Variants in TAFA2 observed in about 807,000 individuals in gnomAD.
TAFA2 encodes TAFA chemokine like family member 2, also known as chemokine-like protein TAFA-2.
In TAFA2, 7 loss-of-function variants were observed where a neutral mutation model predicts 18.8. The ratio of observed to expected loss-of-function variants is 0.37; its 90% CI spans 0.21 to 0.70. The LOEUF (loss-of-function observed/expected upper bound fraction) is 0.70, where lower values mean the gene tolerates loss of function less well. Among genes scored for constraint, TAFA2 ranks in the 30% least tolerant of loss-of-function variants. The probability of loss-of-function intolerance (pLI) is 0.53; values close to 1 mark genes in which losing one functional copy is unlikely to be tolerated. For missense variants in TAFA2, 122 were observed against 158.1 expected, an observed-to-expected ratio of 0.77 and a Z score of 1.23; for synonymous variants, 60 against 54.2, an observed-to-expected ratio of 1.11 and a Z score of -0.47.
chr12:61,710,389 A>G lies in TAFA2; in HGVS notation c.*17T>C, dbSNP rs1475922374. On this transcript the variant is annotated 3_prime_UTR_variant, in exon 5 of 5. Coordinates refer to ENST00000416284, the MANE Select transcript of TAFA2 (RefSeq NM_178539.5). ...TTCAATGTCATCAGCCTTGAGGATCACTTGATTTCTCCTGGGTTAATGGGT... is the reference window on the plus strand; with the variant it reads ...TTCAATGTCATCAGCCTTGAGGATCGCTTGATTTCTCCTGGGTTAATGGGT... 6.2e-6 allele frequency: 10 copies of G among 1,608,308 alleles called. No individual in the cohort carries two copies. The highest frequency in any genetic ancestry group is 8.5e-6 in the Non-Finnish European group (10 of 1,175,064).
intron 1 of TAFA2, among the ~76,000 whole-genome samples, chr12:62,117,893 C>T (rs187396697): frequency 8.5e-4 from 129 of 152,206 alleles, no homozygotes; most frequent in African/African-American, 2.9e-3. Context: ...CCTCTTTGTA[C>T]TTCAGGTGCA....
intron 1 of TAFA2, among the ~76,000 whole-genome samples, chr12:62,084,581 A>T (rs1435764446): frequency 1.3e-5 from 2 of 152,088 alleles, no homozygotes; most frequent in Non-Finnish European, 2.9e-5. Context: ...GTCAAAAGCA[A>T]ATTTCCTCCA....
At chr12:61,789,473 T>C (rs1295223638) in intron 2 of TAFA2, among the ~76,000 whole-genome samples, 1 of 151,698 alleles carries the variant, frequency 6.6e-6, no homozygotes, top group Non-Finnish European at 1.5e-5. Flanking sequence ...TTCTCTCTCA[T>C]AAGTGGGAGC....
At chr12:62,043,531 T>C (rs962543061) in intron 1 of TAFA2, among the ~76,000 whole-genome samples, 2 of 151,996 alleles carry the variant, frequency 1.3e-5, no homozygotes, top group East Asian at 1.9e-4. Flanking sequence ...AGTTAATGGG[T>C]GCAGCACACC....
At chr12:62,234,196 A>G (rs2062825094) in intron 1 of TAFA2, among the ~76,000 whole-genome samples, 1 of 152,150 alleles carries the variant, frequency 6.6e-6, no homozygotes, top group Admixed American at 6.5e-5. Flanking sequence ...CTCCTTGAGA[A>G]GTCTTTCTTC....
intron 2 of TAFA2, among the ~76,000 whole-genome samples, chr12:61,762,453 A>G (rs1869595837): frequency 6.6e-6 from 1 of 152,050 alleles, no homozygotes; most frequent in East Asian, 1.9e-4. Flanking sequence ...TATGAAGACC[A>G]AATGAGATAA....
rs778266416 is a variant in TAFA2 at position 61,852,806 on chromosome 12, C to A, written c.106+14514G>T. Among the ~76,000 whole-genome samples the A allele has an allele frequency of 4.6e-5, 7 of 152,060 alleles. 1 individual carries two copies. The highest frequency in any genetic ancestry group is 1.4e-4 in the African/African-American group (6 of 41,474). On this transcript the variant is annotated intron_variant, in intron 2 of 4. Coordinates refer to ENST00000416284, the MANE Select transcript of TAFA2 (RefSeq NM_178539.5). ...CGATGAGAAAAATAGGAAGAAAAAT[C>A]AAAATGAAGGCTTGTAGAAAGATAT...
intron 1 of TAFA2, among the ~76,000 whole-genome samples, chr12:62,100,026 A>G (rs1869121599): frequency 6.6e-6 from 1 of 152,122 alleles, no homozygotes; most frequent in African/African-American, 2.4e-5. Flanking sequence ...ATAATTATCA[A>G]TATGAATTTT....
At chr12:62,035,110 A>G (rs1881562952) in intron 1 of TAFA2, among the ~76,000 whole-genome samples, 1 of 152,172 alleles carries the variant, frequency 6.6e-6, no homozygotes, top group Non-Finnish European at 1.5e-5. Context: ...TAAAGGAGGG[A>G]GGTCACCCCT....
intron 1 of TAFA2, among the ~76,000 whole-genome samples, chr12:62,235,749 T>G (rs749485592): frequency 3.9e-5 from 6 of 152,154 alleles, no homozygotes; most frequent in Non-Finnish European, 7.4e-5. Context: ...GAGGAAGGTT[T>G]GCTTGTTTGT....
intron 1 of TAFA2, among the ~76,000 whole-genome samples, chr12:62,138,210 G>C (rs1191211010): frequency 6.6e-6 from 1 of 152,054 alleles, no homozygotes; most frequent in Non-Finnish European, 1.5e-5. Context: ...TTTGAGCCCA[G>C]GAGTTCAAAG....
At chr12:62,020,179 T>C (rs1051561346) in intron 1 of TAFA2, among the ~76,000 whole-genome samples, 31 of 152,312 alleles carry the variant, frequency 2.0e-4, no homozygotes, top group Non-Finnish European at 3.1e-4. Flanking sequence ...ATACTGGTAC[T>C]AGGCACATAA....
At chr12:61,909,570 T>C (rs1876513148) in intron 1 of TAFA2, among the ~76,000 whole-genome samples, 1 of 152,148 alleles carries the variant, frequency 6.6e-6, no homozygotes, top group Non-Finnish European at 1.5e-5. Flanking sequence ...AGTCGTGAGA[T>C]GTGCTAGGAG....
chr12:61,872,537 C>A lies in TAFA2; in HGVS notation c.-1-5111G>T, dbSNP rs138030263. Among the ~76,000 whole-genome samples, 28 of 152,212 alleles carry A rather than the reference C, an allele frequency of 1.8e-4. No homozygotes were observed. The East Asian group carries it at 3.1e-3, about 17-fold the overall frequency. ...ATTGCCCCACTGGCCTTATACCTTGCTTAAAATCCCGGAATTTACCTATTC... is the reference window on the plus strand; with the variant it reads ...ATTGCCCCACTGGCCTTATACCTTGATTAAAATCCCGGAATTTACCTATTC... On this transcript the variant is annotated intron_variant, in intron 1 of 4. Transcript: ENST00000416284.
At chr12:62,041,896 T>C (rs938878799) in intron 1 of TAFA2, among the ~76,000 whole-genome samples, 1 of 152,114 alleles carries the variant, frequency 6.6e-6, no homozygotes, top group Admixed American at 6.5e-5. Context: ...AGATGTAAAT[T>C]CTGAAAGAAG....
intron 1 of TAFA2, among the ~76,000 whole-genome samples, chr12:61,919,645 A>T (rs981799482): frequency 6.6e-6 from 1 of 151,706 alleles, no homozygotes; most frequent in Non-Finnish European, 1.5e-5. Context: ...ATTTTATTGT[A>T]CTGTATATCT....
chr12:62,136,709 GT>G (rs1415453769), intron 1 of TAFA2, among the ~76,000 whole-genome samples: 13 of 152,090 alleles, frequency 8.5e-5, no homozygotes, highest in African/African-American at 3.1e-4. Flanking sequence ...TAACCACAAA[GT>G]GTTGTGTGGT....
intron 1 of TAFA2, among the ~76,000 whole-genome samples, chr12:61,868,578 C>T (rs1353171110): frequency 6.6e-6 from 1 of 151,948 alleles, no homozygotes; most frequent in Non-Finnish European, 1.5e-5. Context: ...CTTTTTTGTA[C>T]ATTTTTACCT....
intron 2 of TAFA2, among the ~76,000 whole-genome samples, chr12:61,765,292 A>C (rs1357574737): frequency 6.6e-6 from 1 of 152,068 alleles, no homozygotes; most frequent in Non-Finnish European, 1.5e-5. Flanking sequence ...CATAAACCTG[A>C]GTCTCTGAAT....
Sources: allele counts gnomAD v4.1 joint callset (sites outside exome capture counted in the v4.1 genomes callset), GRCh38; gene constraint gnomAD v4.1.1; transcripts MANE v1.5; gene names NCBI Gene and HGNC (gene_info 2026-07-23, HGNC 2026-07-21).